The following TDP1 variants were observed in gnomAD, a reference collection of about 807,000 sequenced individuals.
The protein encoded by TDP1 is tyr-DNA phosphodiesterase 1.
In TDP1, 64 loss-of-function variants were observed where a neutral mutation model predicts 81.5. The observed-to-expected ratio is 0.79, with a 90% CI of 0.64 to 0.97. The LOEUF (loss-of-function observed/expected upper bound fraction) is 0.97. TDP1 is among the 50% of genes least tolerant of loss of function. The pLI is 0.00. For missense variants in TDP1, 723 were observed against 743.8 expected, an observed-to-expected ratio of 0.97 and a Z score of 0.33; for synonymous variants, 256 against 264.3, an observed-to-expected ratio of 0.97 and a Z score of 0.30.
At chr14:90,023,191 G>T (rs915354343) in intron 15 of TDP1, 12 of 681,982 alleles carry the variant, frequency 1.8e-5, no homozygotes, top group South Asian at 4.6e-5. Flanking sequence ...CATGTGGTCT[G>T]CCCGGGGGGC....
chr14:90,000,791 C>G (rs1897125083), intron 14 of TDP1, among the ~76,000 whole-genome samples: 1 of 152,158 alleles, frequency 6.6e-6, no homozygotes, highest in Non-Finnish European at 1.5e-5. Context: ...TGTAGTTAAG[C>G]AAAAGTACCC....
chr14:89,974,668 T>C (rs1003481537), intron 6 of TDP1, among the ~76,000 whole-genome samples: 1 of 152,232 alleles, frequency 6.6e-6, no homozygotes, highest in African/African-American at 2.4e-5. Context: ...CTCAGCATTT[T>C]ACATATGTGA....
intron 7 of TDP1, among the ~76,000 whole-genome samples, chr14:89,979,540 C>T (rs1894744210): frequency 6.6e-6 from 1 of 152,120 alleles, no homozygotes; most frequent in Admixed American, 6.5e-5. Context: ...AACTCCTAAC[C>T]TCAGGTGATC....
At chr14:90,028,566 TGTGCCTGGGAGG>T (rs1225539471) in intron 15 of TDP1, among the ~76,000 whole-genome samples, 1 of 152,260 alleles carries the variant, frequency 6.6e-6, no homozygotes, top group African/African-American at 2.4e-5. Context: ...TCTAAGTATC[TGTGCCTGGGAGG>T]GTGCCTTCCT....
At chr14:90,015,356 C>A (rs1231026082) in intron 14 of TDP1, among the ~76,000 whole-genome samples, 1 of 152,148 alleles carries the variant, frequency 6.6e-6, no homozygotes, top group Non-Finnish European at 1.5e-5. Context: ...AAAATTTAAT[C>A]TTTGGGACAG....
chr14:89,980,360 C>T (rs1894829241), intron 7 of TDP1, 180 bp from the exon 8 acceptor site: 1 of 961,166 alleles, frequency 1.0e-6, no homozygotes, highest in African/African-American at 1.8e-5. Context: ...GGTTTTCATC[C>T]TATCACTTAG....
intron 2 of TDP1, among the ~76,000 whole-genome samples, chr14:89,957,855 C>T (rs78402658): frequency 0.056 from 8,579 of 152,262 alleles, 520 homozygotes; most frequent in African/African-American, 0.15. Flanking sequence ...ATTTCAGGGC[C>T]GCTTTGCCAG....
intron 14 of TDP1, among the ~76,000 whole-genome samples, chr14:90,018,271 T>A (rs948330865): frequency 2.0e-5 from 3 of 152,266 alleles, no homozygotes; most frequent in African/African-American, 4.8e-5. Context: ...AAAAATGAAA[T>A]AGAACTTGGG....
chr14:90,012,703 G>A (rs1293431936), intron 14 of TDP1, among the ~76,000 whole-genome samples: 1 of 152,010 alleles, frequency 6.6e-6, no homozygotes, highest in Admixed American at 6.5e-5. Context: ...CCCTACTGGG[G>A]CACTGCCTAG....
chr14:89,992,723 G>A (rs1222267950), intron 13 of TDP1, among the ~76,000 whole-genome samples: 2 of 152,054 alleles, frequency 1.3e-5, no homozygotes, highest in Non-Finnish European at 1.5e-5. Flanking sequence ...AGACAGTGAT[G>A]GTACCTACCT....
At chr14:90,042,752 A>G (rs1459547751) in intron 16 of TDP1, 9 of 354,530 alleles carry the variant, frequency 2.5e-5, no homozygotes, top group Non-Finnish European at 3.5e-5. Context: ...CATGGGAAAG[A>G]CCCGCCCCCA....
At chr14:89,991,189 A>C (rs1212250661) in intron 12 of TDP1, among the ~76,000 whole-genome samples, 1 of 152,148 alleles carries the variant, frequency 6.6e-6, no homozygotes, top group Non-Finnish European at 1.5e-5. Flanking sequence ...TCTTATTTGC[A>C]TAAGGAGGGT....
chr14:90,029,203 T>TTTA (rs1219678317), intron 15 of TDP1, among the ~76,000 whole-genome samples: 1 of 149,922 alleles, frequency 6.7e-6, no homozygotes, highest in African/African-American at 2.5e-5. Context: ...TATTTTTTTT[T>TTTA]TTTTTTTTTT....
chr14:90,017,217 C>T (rs960873811), intron 14 of TDP1, among the ~76,000 whole-genome samples: 7 of 151,610 alleles, frequency 4.6e-5, no homozygotes, highest in African/African-American at 9.7e-5. Flanking sequence ...TGTGTGTGCA[C>T]GCACACACAC....
At chr14:89,990,841 T>G (rs1054942105) in intron 12 of TDP1, among the ~76,000 whole-genome samples, 12 of 148,378 alleles carry the variant, frequency 8.1e-5, no homozygotes, top group African/African-American at 2.7e-4. Flanking sequence ...GTGGAGAAGT[T>G]CCAGCATGTG....
intron 5 of TDP1, chr14:89,970,695 T>G: frequency 2.9e-6 from 1 of 344,072 alleles, no homozygotes; most frequent in Non-Finnish European, 4.1e-6. Flanking sequence ...ATCTGGTAAA[T>G]GAACATTAGC....
chr14:89,982,157 G>C (rs1895048674), intron 8 of TDP1, among the ~76,000 whole-genome samples: 1 of 152,034 alleles, frequency 6.6e-6, no homozygotes, highest in East Asian at 1.9e-4. Flanking sequence ...CATAGCATGT[G>C]GCTTTGAGAC....
At chr14:90,033,262 A>G (rs1171144844) in intron 16 of TDP1, 48 bp downstream of exon 16, 12 of 1,080,810 alleles carry the variant, frequency 1.1e-5, no homozygotes, top group Non-Finnish European at 1.7e-5. Context: ...CATAAGAAAA[A>G]CAAACAGAGC....
rs968654902 is a variant in TDP1, at chr14:89,995,289, C to T, written c.1541+1806C>T. ...ACTTATTTAATTCTCACAACAGCTG[C>T]ATGAGGACCAGGAGGCACAGAGTGA... is the stretch of plus-strand genomic sequence containing the variant. On this transcript the variant is annotated intron_variant, in intron 14 of 16. Transcript: ENST00000335725. Among the ~76,000 whole-genome samples the T allele has an allele frequency of 5.3e-5, 8 of 152,318 alleles. No homozygotes were observed. In the South Asian group the frequency reaches 1.2e-3, roughly 24 times the overall value.
Sources: allele counts gnomAD v4.1 joint callset (sites outside exome capture counted in the v4.1 genomes callset), GRCh38; gene constraint gnomAD v4.1.1; transcripts MANE v1.5; gene names NCBI Gene and HGNC (gene_info 2026-07-23, HGNC 2026-07-21).